ADK: variants seen among roughly 807,000 people sequenced by gnomAD.
The protein encoded by ADK is adenosine kinase.
ADK carries 24 observed loss-of-function variants against 44.7 expected under a neutral mutation model. The ratio of observed to expected loss-of-function variants is 0.54; its 90% CI spans 0.39 to 0.76. ADK has a LOEUF of 0.76. ADK is among the 30% of genes least tolerant of loss of function. The pLI is 0.00. For synonymous variants in ADK, 128 were observed against 142.6 expected, an observed-to-expected ratio of 0.90 and a Z score of 0.73; for missense variants, 321 against 425.1, an observed-to-expected ratio of 0.76 and a Z score of 2.15.
chr10:74,341,710 A>G (rs756697111), intron 4 of ADK, among the ~76,000 whole-genome samples: 1 of 152,050 alleles, frequency 6.6e-6, no homozygotes, highest in Admixed American at 6.6e-5. Context: ...TTGCTTGTAT[A>G]ATATAAATCC....
intron 4 of ADK, among the ~76,000 whole-genome samples, chr10:74,365,304 C>T (rs1232777211): frequency 6.6e-6 from 1 of 152,206 alleles, no homozygotes; most frequent in African/African-American, 2.4e-5. Flanking sequence ...TAGCCCCGTT[C>T]ATCCATTAAT....
At chr10:74,471,318 C>T (rs927007817) in intron 6 of ADK, among the ~76,000 whole-genome samples, 2 of 152,148 alleles carry the variant, frequency 1.3e-5, no homozygotes, top group East Asian at 3.8e-4. Flanking sequence ...TCGTGATCCA[C>T]CTGCCTCAGC....
chr10:74,302,763 T>C (rs369210481), intron 3 of ADK, among the ~76,000 whole-genome samples: 97 of 152,226 alleles, frequency 6.4e-4, no homozygotes, highest in South Asian at 2.1e-3. Context: ...GCCACTGCAC[T>C]CCAGCCTCCA....
intron 10 of ADK, among the ~76,000 whole-genome samples, chr10:74,694,911 A>G (rs1856119144): frequency 6.7e-6 from 1 of 149,482 alleles, no homozygotes. Context: ...AAGTCTTACT[A>G]TTTTTCCATT....
At chr10:74,556,170 A>T (rs1285881855) in intron 7 of ADK, among the ~76,000 whole-genome samples, 1 of 152,220 alleles carries the variant, frequency 6.6e-6, no homozygotes, top group Non-Finnish European at 1.5e-5. Context: ...AATTACTTAT[A>T]TATTGACAAC....
intron 6 of ADK, among the ~76,000 whole-genome samples, chr10:74,474,521 C>T (rs899099576): frequency 6.8e-6 from 1 of 147,168 alleles, no homozygotes; most frequent in Admixed American, 6.8e-5. Flanking sequence ...CTTCCCTTCC[C>T]TTTCTTTCCT....
chr10:74,180,705 G>A (rs978868214), intron 1 of ADK, among the ~76,000 whole-genome samples: 1 of 152,050 alleles, frequency 6.6e-6, no homozygotes, highest in Admixed American at 6.6e-5. Flanking sequence ...TGATCTGCCC[G>A]CCTCAGCCTC....
intron 9 of ADK, among the ~76,000 whole-genome samples, chr10:74,607,654 GC>G (rs1281489863): frequency 6.6e-6 from 1 of 152,154 alleles, no homozygotes; most frequent in African/African-American, 2.4e-5. Flanking sequence ...CTCTCTGGCT[GC>G]CCTTAATACT....
intron 10 of ADK, among the ~76,000 whole-genome samples, chr10:74,693,453 T>C (rs1352080010): frequency 6.6e-6 from 1 of 152,234 alleles, no homozygotes; most frequent in East Asian, 1.9e-4. Context: ...TAAGGTGCTA[T>C]GGCTTAGACT....
intron 2 of ADK, among the ~76,000 whole-genome samples, chr10:74,224,096 C>A (rs1844430786): frequency 6.6e-6 from 1 of 151,982 alleles, no homozygotes; most frequent in Non-Finnish European, 1.5e-5. Context: ...AACAAACAAA[C>A]AAAAAACACA....
At chr10:74,548,718 A>G (rs951525188) in intron 7 of ADK, among the ~76,000 whole-genome samples, 1 of 152,212 alleles carries the variant, frequency 6.6e-6, no homozygotes, top group Non-Finnish European at 1.5e-5. Context: ...TAGTCTCCAT[A>G]AAGATAAAGA....
chr10:74,674,755 G>T (rs1589359630), intron 10 of ADK, among the ~76,000 whole-genome samples: 1 of 152,108 alleles, frequency 6.6e-6, no homozygotes, highest in East Asian at 1.9e-4. Context: ...GGCGTTGCAT[G>T]CCTGAAGTCC....
At chr10:74,557,712 A>G (rs1339243816) in intron 7 of ADK, among the ~76,000 whole-genome samples, 3 of 152,196 alleles carry the variant, frequency 2.0e-5, no homozygotes, top group Admixed American at 6.5e-5. Flanking sequence ...CTGGCTTACA[A>G]GCATGGGTTT....
chr10:74,689,693 A>C (rs756560968), intron 10 of ADK, among the ~76,000 whole-genome samples: 1 of 152,212 alleles, frequency 6.6e-6, no homozygotes, highest in Admixed American at 6.5e-5. Context: ...TAGCTCATCC[A>C]TAAAGGAGGC....
chr10:74,215,537 C>G (rs1182686140), intron 2 of ADK, among the ~76,000 whole-genome samples: 7 of 152,024 alleles, frequency 4.6e-5, no homozygotes, highest in Non-Finnish European at 7.4e-5. Flanking sequence ...GTTGGCCAGG[C>G]TGGTCTCAAA....
At chr10:74,466,578 C>T (rs1846366653) in intron 6 of ADK, among the ~76,000 whole-genome samples, 1 of 152,078 alleles carries the variant, frequency 6.6e-6, no homozygotes, top group Admixed American at 6.6e-5. Flanking sequence ...TTTACTAGTC[C>T]CTTGCAGCAC....
At chr10:74,451,890 A>G (rs1845795565) in intron 6 of ADK, among the ~76,000 whole-genome samples, 1 of 152,076 alleles carries the variant, frequency 6.6e-6, no homozygotes, top group South Asian at 2.1e-4. Flanking sequence ...TACATTAATA[A>G]TTATTTGCTC....
intron 6 of ADK, among the ~76,000 whole-genome samples, chr10:74,515,523 A>G (rs1482640805): frequency 6.6e-6 from 1 of 152,146 alleles, no homozygotes; most frequent in Admixed American, 6.5e-5. Context: ...GCTTTTGGCC[A>G]CTTGGCTGGC....
chr10:74,571,442 A>G (rs1013921771), intron 7 of ADK, among the ~76,000 whole-genome samples: 2 of 152,148 alleles, frequency 1.3e-5, no homozygotes, highest in Non-Finnish European at 2.9e-5. Context: ...TTGGTAAGCT[A>G]TTGATTATTG....
Sources: allele counts gnomAD v4.1 joint callset (sites outside exome capture counted in the v4.1 genomes callset), GRCh38; gene constraint gnomAD v4.1.1; transcripts MANE v1.5; gene names NCBI Gene and HGNC (gene_info 2026-07-23, HGNC 2026-07-21).